The following CPPED1 variants were observed in gnomAD, a reference collection of about 807,000 sequenced individuals.
CPPED1 encodes the protein calcineurin like phosphoesterase domain containing 1.
A neutral mutation model predicts 28.0 loss-of-function variants in CPPED1; 28 were observed. That is an observed-to-expected ratio of 1.00 (90% CI 0.74 to 1.37). The LOEUF (loss-of-function observed/expected upper bound fraction) is 1.37, where lower values mean the gene tolerates loss of function less well. Ranked by LOEUF, CPPED1 falls within the 40% of genes most tolerant of loss-of-function variation. The pLI, the probability that CPPED1 is intolerant of heterozygous loss-of-function variation, is 0.00. For synonymous variants in CPPED1, 198 were observed against 180.2 expected (o/e 1.10, Z -0.79); for missense variants, 504 against 416.5 (o/e 1.21, Z -1.83).
At chr16:12,703,524 G>C (rs1194710198) in intron 3 of CPPED1, among the ~76,000 whole-genome samples, 1 of 152,082 alleles carries the variant, frequency 6.6e-6, no homozygotes, top group Non-Finnish European at 1.5e-5. Context: ...TCTACTAAAA[G>C]TACAAAAATT....
chr16:12,771,521 G>C (rs2141232948), intron 2 of CPPED1, among the ~76,000 whole-genome samples: 1 of 152,340 alleles, frequency 6.6e-6, no homozygotes, highest in South Asian at 2.1e-4. Context: ...ACTAAGCTTG[G>C]GAGAAGGCGA....
chr16:12,720,726 T>A (rs1026946689), intron 2 of CPPED1, among the ~76,000 whole-genome samples: 10 of 152,190 alleles, frequency 6.6e-5, no homozygotes, highest in Non-Finnish European at 1.2e-4. Context: ...GATCTGCCCG[T>A]CTTGGCCTTC....
intron 3 of CPPED1, among the ~76,000 whole-genome samples, chr16:12,695,775 C>T (rs1454405900): frequency 1.3e-5 from 2 of 152,202 alleles, no homozygotes; most frequent in East Asian, 1.9e-4. Context: ...TTTCCTTTTT[C>T]TGCCCACAAA....
intron 2 of CPPED1, among the ~76,000 whole-genome samples, chr16:12,749,272 C>A (rs1469651436): frequency 6.6e-6 from 1 of 152,222 alleles, no homozygotes; most frequent in East Asian, 1.9e-4. Flanking sequence ...ATGGAATACT[C>A]TAAATTCTTT....
chr16:12,691,183 A>C (rs1317415932), intron 3 of CPPED1, among the ~76,000 whole-genome samples: 3 of 152,250 alleles, frequency 2.0e-5, no homozygotes, highest in African/African-American at 7.2e-5. Context: ...CCCACGCTGC[A>C]GTTTCCTTGT....
chr16:12,783,090 G>GT (rs1160410877), intron 1 of CPPED1, among the ~76,000 whole-genome samples: 4 of 152,200 alleles, frequency 2.6e-5, no homozygotes, highest in Non-Finnish European at 5.9e-5. Context: ...AGACAGATGA[G>GT]TCCCTGCTGT....
intron 3 of CPPED1, among the ~76,000 whole-genome samples, chr16:12,692,337 G>A (rs918574401): frequency 6.6e-6 from 1 of 152,114 alleles, no homozygotes; most frequent in Non-Finnish European, 1.5e-5. Flanking sequence ...GGCAACACTC[G>A]GCAGTGGGTC....
rs960999350 is a variant in CPPED1 at position 12,799,677 on chromosome 16, G to T, written c.70+4030C>A. Among the ~76,000 whole-genome samples the T allele has an allele frequency of 3.3e-5, 5 of 152,358 alleles. No individual in the cohort carries two copies. In the South Asian group the frequency reaches 1.0e-3, roughly 32 times the overall value. On this transcript the variant is annotated intron_variant, in intron 1 of 3. Coordinates refer to ENST00000381774, the MANE Select transcript of CPPED1 (RefSeq NM_018340.3). ...GTTGCCAGCGATGCTAATAGAGTCA[G>T]GACCCCGGGGAATTGTCAATGAGTG... is the stretch of plus-strand genomic sequence containing the variant.
At chr16:12,694,984 G>C (rs1450163702) in intron 3 of CPPED1, among the ~76,000 whole-genome samples, 1 of 151,938 alleles carries the variant, frequency 6.6e-6, no homozygotes, top group African/African-American at 2.4e-5. Flanking sequence ...CACCATGTTG[G>C]CCAGGCTGGT....
intron 3 of CPPED1, among the ~76,000 whole-genome samples, chr16:12,671,547 G>A (rs2079852828): frequency 6.6e-6 from 1 of 152,206 alleles, no homozygotes; most frequent in Non-Finnish European, 1.5e-5. Context: ...TGTGCTGGCA[G>A]GAACTGGAGA....
chr16:12,704,176 G>A (rs949308733), intron 3 of CPPED1, among the ~76,000 whole-genome samples: 1 of 152,184 alleles, frequency 6.6e-6, no homozygotes, highest in Non-Finnish European at 1.5e-5. Context: ...TCCCAGAGAA[G>A]TGAAAGCAGA....
intron 1 of CPPED1, among the ~76,000 whole-genome samples, chr16:12,784,346 GC>G (rs1279860619): frequency 3.9e-5 from 6 of 152,250 alleles, no homozygotes; most frequent in African/African-American, 1.2e-4. Flanking sequence ...CTTGACTGAA[GC>G]CTTATAAGAC....
chr16:12,671,032 G>C (rs183120098), intron 3 of CPPED1, among the ~76,000 whole-genome samples: 3 of 152,032 alleles, frequency 2.0e-5, no homozygotes, highest in East Asian at 1.9e-4. Context: ...TGTATTTTTA[G>C]TAGAGATTGG....
chr16:12,771,072 C>T (rs561766771), intron 2 of CPPED1, among the ~76,000 whole-genome samples: 4 of 152,160 alleles, frequency 2.6e-5, no homozygotes, highest in Admixed American at 6.5e-5. Flanking sequence ...AATAAAGTAA[C>T]AATAAAAAGA....
chr16:12,752,361 CT>C (rs2080335566), intron 2 of CPPED1, among the ~76,000 whole-genome samples: 1 of 151,912 alleles, frequency 6.6e-6, no homozygotes, highest in Non-Finnish European at 1.5e-5. Context: ...ATAAGAAACT[CT>C]TATGTTATCT....
chr16:12,668,734 C>G (rs981210188), intron 3 of CPPED1, among the ~76,000 whole-genome samples: 4 of 152,192 alleles, frequency 2.6e-5, no homozygotes, highest in Non-Finnish European at 5.9e-5. Flanking sequence ...TGAAAAGATG[C>G]TCAACATCAT....
chr16:12,721,303 AAAG>A (rs970119499), intron 2 of CPPED1, among the ~76,000 whole-genome samples: 2 of 152,214 alleles, frequency 1.3e-5, no homozygotes, highest in Non-Finnish European at 1.5e-5. Context: ...TCTGAGGGTA[AAAG>A]AAGAAGGAAA....
chr16:12,669,906 T>C (rs993665371), intron 3 of CPPED1, among the ~76,000 whole-genome samples: 1 of 152,168 alleles, frequency 6.6e-6, no homozygotes. Context: ...GTATGGCAAA[T>C]GGACTCAGGA....
intron 3 of CPPED1, among the ~76,000 whole-genome samples, chr16:12,704,221 G>A (rs2141186688): frequency 1.3e-5 from 2 of 152,250 alleles, no homozygotes; most frequent in East Asian, 3.9e-4. Context: ...CAAGGCACAT[G>A]CAAGCCACAT....
Sources: allele counts gnomAD v4.1 joint callset (sites outside exome capture counted in the v4.1 genomes callset), GRCh38; gene constraint gnomAD v4.1.1; transcripts MANE v1.5; gene names NCBI Gene and HGNC (gene_info 2026-07-23, HGNC 2026-07-21).